Variants in RPL32 observed in about 807,000 individuals in gnomAD.
RPL32 encodes the protein ribosomal protein L32, also known as large ribosomal subunit protein eL32.
For synonymous variants in RPL32, 61 were observed against 62.6 expected (o/e 0.98, Z 0.12); for missense variants, 117 against 173.7 (o/e 0.67, Z 1.83).
Position 12,836,065 on chromosome 3 carries a change from T to C in RPL32, c.*29A>G, listed in dbSNP as rs775545914. 9 of 1,607,962 alleles carry C rather than the reference T, an allele frequency of 5.6e-6. No homozygotes were observed. Among genetic ancestry groups the C allele is most frequent in the Non-Finnish European group, 7.6e-6 (9 of 1,178,966 alleles). On this transcript the variant is annotated 3_prime_UTR_variant, in exon 4 of 4. Coordinates refer to ENST00000429711, the MANE Select transcript of RPL32 (RefSeq NM_000994.4). Reference sequence around the variant, plus strand: ...TGCCAGATGGCAGTTTTTACATTTATTTAAACAGAAAACGTGCACATGAGC... The same window carrying C: ...TGCCAGATGGCAGTTTTTACATTTACTTAAACAGAAAACGTGCACATGAGC...
intron 3 of RPL32, chr3:12,839,047 C>G (rs1219986194): frequency 4.5e-6 from 2 of 443,968 alleles, no homozygotes; most frequent in African/African-American, 4.0e-5. Context: ...TTGGAAACAA[C>G]AGCCAAAGGA....
intron 3 of RPL32, among the ~76,000 whole-genome samples, chr3:12,838,276 G>C (rs549971134): frequency 6.6e-6 from 1 of 152,160 alleles, no homozygotes; most frequent in Non-Finnish European, 1.5e-5. Context: ...GAATGGTGGT[G>C]CACGCCTGTA....
intron 1 of RPL32, chr3:12,840,812 C>T: frequency 3.8e-6 from 1 of 260,148 alleles, no homozygotes; most frequent in South Asian, 4.1e-5. Flanking sequence ...AGTATCAACT[C>T]ACACCTTCCT....
Position 12,834,842 on chromosome 3 carries a change from G to A in RPL32, c.*1252C>T, listed in dbSNP as rs2062087224. On this transcript the variant is annotated 3_prime_UTR_variant, in exon 4 of 4. Coordinates refer to ENST00000429711, the MANE Select transcript of RPL32 (RefSeq NM_000994.4). ...CACGACTCGTCTCCAATTGTTAATC[G>A]AATCGCCTGAACCCAGGAGGCAGAA... The A allele has an allele frequency of 6.6e-6, 1 of 152,086 alleles. No individual in the cohort carries two copies. The highest frequency in any genetic ancestry group is 1.5e-5 in the Non-Finnish European group (1 of 68,028). 9.4% of individuals were successfully genotyped at this position (152,086 alleles called of 1,614,324 possible). A position where few individuals can be genotyped will look rare whatever the true frequency, so the allele number is the denominator to read the frequency against.
At chr3:12,837,705 G>T (rs2062110200) in intron 3 of RPL32, among the ~76,000 whole-genome samples, 1 of 152,206 alleles carries the variant, frequency 6.6e-6, no homozygotes, top group Admixed American at 6.5e-5. Context: ...ACCACTGTAG[G>T]TGAAAGTTAT....
chr3:12,837,643 G>C (rs988524932), intron 3 of RPL32, among the ~76,000 whole-genome samples: 1 of 152,196 alleles, frequency 6.6e-6, no homozygotes, highest in African/African-American at 2.4e-5. Context: ...AATCTTGGAA[G>C]GTAACCACGT....
chr3:12,836,840 A>G (rs916345348), intron 3 of RPL32, among the ~76,000 whole-genome samples: 1 of 152,190 alleles, frequency 6.6e-6, no homozygotes, highest in Non-Finnish European at 1.5e-5. Context: ...TAACAAGCAC[A>G]CTTCAGTAAG....
chr3:12,839,225 C>T, intron 3 of RPL32, 124 bp downstream of exon 3: 1 of 813,906 alleles, frequency 1.2e-6, no homozygotes, highest in South Asian at 1.6e-5. Flanking sequence ...CTTCTGATTC[C>T]CTCAGAGAAT....
At position 12,836,208 on chromosome 3, in the gene RPL32, C is replaced by A; in HGVS notation, c.294G>T (p.Glu98Asp). The change falls in exon 4 of 4, where the codon GAG becomes GAT. Residue 98 changes from glutamate to aspartate, a missense_variant. Physicochemically the swap from Glu to Asp is conservative, Grantham distance 45. Transcript: ENST00000429711. ...LLMCNKSYCA[E>D]IAHNVSSKNR... ...TCTTGGAGGAAACATTGTGAGCGATCTCGGCACAGTAAGATCTGCAAGAGA... is the reference window on the plus strand; with the variant it reads ...TCTTGGAGGAAACATTGTGAGCGATATCGGCACAGTAAGATCTGCAAGAGA... The A allele has an allele frequency of 6.2e-7, 1 of 1,600,094 alleles. No individual in the cohort carries two copies. Among genetic ancestry groups the A allele is most frequent in the Non-Finnish European group, 8.5e-7 (1 of 1,179,780 alleles).
At chr3:12,840,375 C>T (rs752681284) in intron 1 of RPL32, 133 bp from the exon 2 acceptor site, 2 of 778,198 alleles carry the variant, frequency 2.6e-6, no homozygotes, top group Non-Finnish European at 4.6e-6. Flanking sequence ...ATGGGTGCCT[C>T]TGCCAGGCTT....
rs772378706 is a variant in RPL32, at chr3:12,836,053, T to C, written c.*41A>G. Reference sequence around the variant, plus strand: ...AAGGAAGGAAGATGCCAGATGGCAGTTTTTACATTTATTTAAACAGAAAAC... The same window carrying C: ...AAGGAAGGAAGATGCCAGATGGCAGCTTTTACATTTATTTAAACAGAAAAC... On this transcript the variant is annotated 3_prime_UTR_variant, in exon 4 of 4. Transcript: ENST00000429711. 229 of 1,602,578 alleles carry C rather than the reference T, an allele frequency of 1.4e-4. No individual in the cohort carries two copies. Among genetic ancestry groups the C allele is most frequent in the Non-Finnish European group, 1.9e-4 (218 of 1,175,886 alleles).
rs766119765 is a variant in RPL32, at chr3:12,839,356, A to G, written c.271T>C (p.Cys91Arg). ...NVKELEVLLM[C>R]NKSYCAEIAH... The stretch of plus-strand genomic sequence containing the variant: ...AGGTGGGACCCAACTCACTTGTTGC[A>G]CATCAGCAGCACTTCCAGCTCCTTG... The change falls in exon 3 of 4, where the codon TGC becomes CGC. Residue 91 changes from cysteine to arginine, a missense_variant. Coordinates refer to ENST00000429711, the MANE Select transcript of RPL32 (RefSeq NM_000994.4). 1.9e-6 allele frequency: 3 copies of G among 1,614,058 alleles called. No individual in the cohort carries two copies. Among genetic ancestry groups the G allele is most frequent in the African/African-American group, 1.3e-5 (1 of 75,054 alleles).
At chr3:12,839,595 G>T (rs1469275362) in intron 2 of RPL32, 65 bp from the exon 3 acceptor site, 1 of 1,468,578 alleles carries the variant, frequency 6.8e-7, no homozygotes, top group Non-Finnish European at 9.5e-7. Flanking sequence ...CTTTTGGGGA[G>T]GGAAAAAAAG....
chr3:12,839,904 G>A (rs1489156629), intron 2 of RPL32, among the ~76,000 whole-genome samples: 1 of 152,202 alleles, frequency 6.6e-6, no homozygotes, highest in Non-Finnish European at 1.5e-5. Context: ...GGACACAAAT[G>A]CAAAGCCCTC....
chr3:12,839,204 GCAAGGAA>G, intron 3 of RPL32, 138 bp downstream of exon 3: 1 of 723,384 alleles, frequency 1.4e-6, no homozygotes, highest in South Asian at 1.8e-5. Flanking sequence ...CTAAAATCCT[GCAAGGAA>G]CAACTTCTGA....
intron 3 of RPL32, among the ~76,000 whole-genome samples, chr3:12,837,632 C>T (rs2062109726): frequency 6.6e-6 from 1 of 152,196 alleles, no homozygotes; most frequent in Non-Finnish European, 1.5e-5. Context: ...GTTAAATTTC[C>T]AATCTTGGAA....
chr3:12,840,575 G>C, intron 1 of RPL32: 1 of 489,472 alleles, frequency 2.0e-6, no homozygotes, highest in Non-Finnish European at 4.1e-6. Flanking sequence ...CGAACCCCCA[G>C]ATGGTCCTTC....
intron 3 of RPL32, among the ~76,000 whole-genome samples, chr3:12,836,497 C>T (rs1323260187): frequency 2.0e-5 from 3 of 152,100 alleles, no homozygotes; most frequent in South Asian, 4.1e-4. Context: ...GAAACCAAGG[C>T]CCACAGCAAG....
In RPL32 at chr3:12,835,997, A is replaced by C; in HGVS notation, c.*97T>G. On this transcript the variant is annotated 3_prime_UTR_variant, in exon 4 of 4. Transcript: ENST00000429711. ...AAAAGAACAATCTCTGTGGCAAACT[A>C]AGTTGGCCAAGAAGCTGAAGACTTA... 3.5e-5 allele frequency: 48 copies of C among 1,378,930 alleles called. No homozygotes were observed. The highest frequency in any genetic ancestry group is 4.2e-5 in the Non-Finnish European group (42 of 991,990). The allele number at this position is 1,378,930 out of a possible 1,614,324, so 85.4% of individuals were successfully genotyped here. A position where few individuals can be genotyped will look rare whatever the true frequency, so the allele number is the denominator to read the frequency against.
Sources: gnomAD v4.1 joint callset for allele counts (sites outside exome capture counted in the v4.1 genomes callset) on GRCh38, gnomAD v4.1.1 for gene constraint, MANE v1.5 for transcripts, NCBI Gene and HGNC (gene_info 2026-07-23, HGNC 2026-07-21) for gene names.